Variants in CSMD2 observed in about 807,000 individuals in gnomAD.
CSMD2 encodes the protein CUB and sushi domain-containing protein 2.
A neutral mutation model predicts 398.5 loss-of-function variants in CSMD2; 130 were observed. That is an observed-to-expected ratio of 0.33 (90% CI 0.28 to 0.38). The LOEUF is 0.38. Among genes scored for constraint, CSMD2 ranks in the 10% least tolerant of loss-of-function variants. The pLI is 1.00. For missense variants in CSMD2, 3,829 were observed against 4,764.9 expected (o/e 0.80, Z 5.78); for synonymous variants, 1,828 against 1,908.5 (o/e 0.96, Z 1.10).
chr1:34,009,085 G>A (rs1434945083), intron 3 of CSMD2, among the ~76,000 whole-genome samples: 1 of 152,016 alleles, frequency 6.6e-6, no homozygotes, highest in Non-Finnish European at 1.5e-5. Context: ...GGAGCCAGCT[G>A]CAGAGAATAA....
At chr1:33,756,329 C>T (rs1649010392) in intron 13 of CSMD2, among the ~76,000 whole-genome samples, 1 of 152,130 alleles carries the variant, frequency 6.6e-6, no homozygotes, top group Admixed American at 6.5e-5. Context: ...GGAGCACCTG[C>T]TATGTGTCTG....
At chr1:34,052,925 G>A (rs578235883) in intron 2 of CSMD2, among the ~76,000 whole-genome samples, 1 of 152,242 alleles carries the variant, frequency 6.6e-6, no homozygotes, top group Admixed American at 6.5e-5. Flanking sequence ...TGACCTGCTC[G>A]AGAGCAGTGT....
chr1:33,792,508 C>A lies in CSMD2; in HGVS notation c.1465G>T (p.Glu489Ter). 6.2e-7 allele frequency: 1 copy of A among 1,613,954 alleles called. No individual in the cohort carries two copies. The highest frequency in any genetic ancestry group is 1.1e-5 in the South Asian group (1 of 91,070). Reference protein sequence around the residue: ...NPSKVIKLAFEEFDLERGYDT... With the variant: ...NPSKVIKLAF ...TAGCCCCTCTCCAAATCAAACTCCT[C>A]AAAGGCGAGCTTGATCACCTAGGGA... Residue 489 changes from glutamate to a stop codon, truncating the protein, a stop_gained, in exon 11 of 71, where the codon GAG becomes TAG. Transcript: ENST00000373381. LOFTEE classifies it high-confidence loss of function.
chr1:34,160,696 CA>C (rs1383649165), intron 1 of CSMD2, among the ~76,000 whole-genome samples: 1 of 152,216 alleles, frequency 6.6e-6, no homozygotes, highest in Non-Finnish European at 1.5e-5. Context: ...TCCCTGCCTT[CA>C]GTAAGCTCAC....
intron 26 of CSMD2, among the ~76,000 whole-genome samples, chr1:33,659,385 G>A (rs545030282): frequency 1.3e-5 from 2 of 152,150 alleles, no homozygotes; most frequent in African/African-American, 4.8e-5. Flanking sequence ...AGCGGGGCCC[G>A]GTCCCAGTCC....
intron 37 of CSMD2, among the ~76,000 whole-genome samples, chr1:33,617,915 A>C (rs567876053): frequency 6.6e-6 from 1 of 152,210 alleles, no homozygotes; most frequent in South Asian, 2.1e-4. Flanking sequence ...GGGCTTAGCT[A>C]GGGAGACTTC....
At chr1:34,008,329 TCC>T (rs946785547) in intron 3 of CSMD2, among the ~76,000 whole-genome samples, 6 of 152,186 alleles carry the variant, frequency 3.9e-5, no homozygotes, top group African/African-American at 1.4e-4. Flanking sequence ...ATTCATCTTG[TCC>T]CCCTAGTGAG....
chr1:33,706,871 GTGCATGTGTTTGTGTA>G (rs142224012), intron 22 of CSMD2, among the ~76,000 whole-genome samples: 6,195 of 152,048 alleles, frequency 0.041, 337 homozygotes, highest in African/African-American at 0.12. Context: ...GTGCATGTGT[GTGCATGTGTTTGTGTA>G]TGCGTGTGTG....
chr1:34,149,399 A>T (rs1410199258), intron 1 of CSMD2, among the ~76,000 whole-genome samples: 1 of 152,142 alleles, frequency 6.6e-6, no homozygotes, highest in Non-Finnish European at 1.5e-5. Context: ...GCAATGCCTC[A>T]TCCTGAAATG....
chr1:33,922,329 G>A (rs942738076), intron 4 of CSMD2, among the ~76,000 whole-genome samples: 2 of 152,134 alleles, frequency 1.3e-5, no homozygotes, highest in African/African-American at 4.8e-5. Flanking sequence ...GGGCACTCAG[G>A]TGGAAAGTAA....
At chr1:33,951,510 C>T (rs750213219) in intron 3 of CSMD2, among the ~76,000 whole-genome samples, 8 of 152,212 alleles carry the variant, frequency 5.3e-5, no homozygotes, top group Non-Finnish European at 1.2e-4. Flanking sequence ...AGCAATTATG[C>T]CAGCCATTTA....
intron 1 of CSMD2, among the ~76,000 whole-genome samples, chr1:34,098,319 C>T (rs1476649504): frequency 2.9e-5 from 4 of 138,050 alleles, no homozygotes; most frequent in South Asian, 4.7e-4. Context: ...TGCTAGATGA[C>T]GAGTTAGTGG....
intron 11 of CSMD2, among the ~76,000 whole-genome samples, chr1:33,791,922 T>C (rs1654364145): frequency 6.6e-6 from 1 of 152,192 alleles, no homozygotes; most frequent in Non-Finnish European, 1.5e-5. Context: ...GAACATGTCA[T>C]ACTGGTCTTT....
At chr1:34,132,154 A>G (rs926965919) in intron 1 of CSMD2, among the ~76,000 whole-genome samples, 1 of 152,136 alleles carries the variant, frequency 6.6e-6, no homozygotes, top group African/African-American at 2.4e-5. Flanking sequence ...CGCCTCTGGA[A>G]CAGACTCGGG....
At chr1:33,526,528 TA>T (rs1654789519) in intron 65 of CSMD2, among the ~76,000 whole-genome samples, 1 of 152,260 alleles carries the variant, frequency 6.6e-6, no homozygotes, top group African/African-American at 2.4e-5. Flanking sequence ...TGATAGCTAC[TA>T]AAATTGTCAT....
rs1208478905 is a variant in CSMD2, at chr1:33,582,151, C to A, written c.7241-1252G>T. 2.6e-5 allele frequency among the ~76,000 whole-genome samples: 4 copies of A among 152,234 alleles called. 1 individual carries two copies. Among genetic ancestry groups the A allele is most frequent in the Admixed American group, 1.3e-4 (2 of 15,286 alleles). On this transcript the variant is annotated intron_variant, in intron 47 of 70. Transcript: ENST00000373381. ...AAAACTGATGGGGAGAGACACTGGGCTCCCTAGCAGTAATGGGGATGAGAA... is the reference window on the plus strand; with the variant it reads ...AAAACTGATGGGGAGAGACACTGGGATCCCTAGCAGTAATGGGGATGAGAA...
chr1:33,781,622 C>T (rs1273761405), intron 12 of CSMD2, among the ~76,000 whole-genome samples: 2 of 152,188 alleles, frequency 1.3e-5, no homozygotes. Flanking sequence ...TCCCCTGGGC[C>T]AGCCTCCCAG....
At chr1:33,968,743 A>G (rs1645649822) in intron 3 of CSMD2, among the ~76,000 whole-genome samples, 1 of 152,238 alleles carries the variant, frequency 6.6e-6, no homozygotes. Context: ...GAGGACCCAC[A>G]AGGCCATACC....
Position 33,602,466 on chromosome 1 carries a change from C to A in CSMD2, c.6613G>T (p.Asp2205Tyr). ...GGCACGGTGATCAGCCAGACACAGT[C>A]CTGGGAGCTGGAGTACGGGCTAGGG... ...GFPSPYSSSQ[D>Y]CVWLITVPIG... The change falls in exon 43 of 71, where the codon GAC becomes TAC. Residue 2205 changes from aspartate (D) to tyrosine (Y), a missense_variant. Around this residue, in one of 5 missense-constraint regions of CSMD2, gnomAD observed 723 missense variants for 758.6 expected, o/e 0.95. Coordinates refer to ENST00000373381, the MANE Select transcript of CSMD2 (RefSeq NM_001281956.2). The A allele has an allele frequency of 6.2e-7, 1 of 1,613,874 alleles. No homozygotes were observed. Among genetic ancestry groups the A allele is most frequent in the Non-Finnish European group, 8.5e-7 (1 of 1,179,962 alleles).
Sources: gnomAD v4.1 joint callset for allele counts (sites outside exome capture counted in the v4.1 genomes callset) on GRCh38, gnomAD v4.1.1 for gene constraint, gnomAD v4.1.1 regional missense constraint, MANE v1.5 for transcripts, NCBI Gene and HGNC (gene_info 2026-07-23, HGNC 2026-07-21) for gene names.